Variants in IRAG2 observed in about 807,000 individuals in gnomAD.
The protein encoded by IRAG2 is lymphoid restricted membrane protein.
A neutral mutation model predicts 69.9 loss-of-function variants in IRAG2; 45 were observed. The ratio of observed to expected loss-of-function variants is 0.64; its 90% CI spans 0.51 to 0.83. The LOEUF (loss-of-function observed/expected upper bound fraction) is 0.83. Among genes scored for constraint, IRAG2 ranks in the 40% least tolerant of loss-of-function variants. IRAG2 has a pLI of 0.00. For synonymous variants in IRAG2, 193 were observed against 202.4 expected, an observed-to-expected ratio of 0.95 and a Z score of 0.40; for missense variants, 520 against 587.0, an observed-to-expected ratio of 0.89 and a Z score of 1.18.
intron 14 of IRAG2, among the ~76,000 whole-genome samples, chr12:25,096,490 T>TCATA (rs1565584314): frequency 6.6e-6 from 1 of 152,208 alleles, no homozygotes; most frequent in Non-Finnish European, 1.5e-5. Context: ...GCCAGCCCAG[T>TCATA]CATACCGTCA....
Position 25,102,165 on chromosome 12 carries a change from A to G in IRAG2, c.890-33A>G, listed in dbSNP as rs749187599. ...CTTTAACATAAATGGCATGTGTAAT[A>G]GCTAAAATGTGTCAATGTGTTTTTC... is the stretch of plus-strand genomic sequence containing the variant. On this transcript the variant is annotated intron_variant, in intron 16 of 21. Coordinates refer to ENST00000556887, the MANE Select transcript of IRAG2 (RefSeq NM_001366544.2). 3 of 1,590,000 alleles carry G rather than the reference A, an allele frequency of 1.9e-6. No individual in the cohort carries two copies. The East Asian group carries it at 6.7e-5, about 36-fold the overall frequency.
At chr12:25,105,027 C>A (rs989552174) in intron 20 of IRAG2, among the ~76,000 whole-genome samples, 1 of 150,042 alleles carries the variant, frequency 6.7e-6, no homozygotes, top group African/African-American at 2.5e-5. Flanking sequence ...ACCTCTGAGT[C>A]CTTGGGTGAC....
At chr12:25,002,626 A>ATTC (rs749319927), upstream of IRAG2, among the ~76,000 whole-genome samples, 6,813 of 135,300 alleles carry the variant, frequency 0.05, 206 homozygotes, top group Non-Finnish European at 0.067. Flanking sequence ...TTGAGAGATC[A>ATTC]TTCTTCTTCT....
At chr12:25,041,849 G>A (rs1268136476) in intron 16 of IRAG2, among the ~76,000 whole-genome samples, 1 of 141,968 alleles carries the variant, frequency 7.0e-6, no homozygotes, top group African/African-American at 2.5e-5. Context: ...TAGATATTCT[G>A]ATATCAACTT....
In IRAG2 at chr12:25,100,684, A is replaced by G. The variant is rs144717615; in HGVS notation, c.742-494A>G. On this transcript the variant is annotated intron_variant, in intron 15 of 21. Transcript: ENST00000556887. ...TTGTTTTCAGCATGATAGATCCATC[A>G]TCAACTATCTGTTCTTTCCCAATCC... Among the ~76,000 whole-genome samples the G allele has an allele frequency of 1.1e-4, 17 of 152,322 alleles. 1 individual carries two copies. The highest frequency in any genetic ancestry group is 7.7e-4 in the East Asian group (4 of 5,194).
upstream of IRAG2, among the ~76,000 whole-genome samples, chr12:25,051,861 A>G (rs1944881598): frequency 6.6e-6 from 1 of 151,978 alleles, no homozygotes; most frequent in Non-Finnish European, 1.5e-5. Flanking sequence ...TGTAAAAGCT[A>G]GCTGTGATGT....
At chr12:25,062,634 A>G (rs528256253) in intron 2 of IRAG2, among the ~76,000 whole-genome samples, 186 bp from the exon 3 acceptor site, 1 of 152,350 alleles carries the variant, frequency 6.6e-6, no homozygotes, top group South Asian at 2.1e-4. Context: ...AGATCAAGTA[A>G]TGGGGCAAAT....
chr12:25,009,910 G>A (rs909961697), intron 2 of IRAG2, among the ~76,000 whole-genome samples: 1 of 152,160 alleles, frequency 6.6e-6, no homozygotes, highest in Non-Finnish European at 1.5e-5. Flanking sequence ...GCCTTCAACT[G>A]GTTGGATGAG....
intron 10 of IRAG2, among the ~76,000 whole-genome samples, chr12:25,086,618 A>G (rs981536482): frequency 7.2e-5 from 11 of 152,190 alleles, no homozygotes; most frequent in Non-Finnish European, 2.9e-5. Flanking sequence ...CTGGCTAACA[A>G]TATCTACTAG....
intron 6 of IRAG2, among the ~76,000 whole-genome samples, chr12:25,076,088 A>G (rs1347284263): frequency 6.6e-6 from 1 of 152,126 alleles, no homozygotes; most frequent in African/African-American, 2.4e-5. Flanking sequence ...CAAAAAAAAA[A>G]TCTTCTTTAC....
intron 16 of IRAG2, among the ~76,000 whole-genome samples, chr12:25,039,789 C>T (rs766363307): frequency 3.3e-5 from 5 of 151,968 alleles, no homozygotes; most frequent in Admixed American, 1.3e-4. Context: ...AATGTCATCT[C>T]GAAATGAGTG....
intron 1 of IRAG2, among the ~76,000 whole-genome samples, chr12:25,060,668 CTTTTTTT>C (rs753591747): frequency 1.0e-5 from 1 of 99,286 alleles, no homozygotes; most frequent in African/African-American, 4.2e-5. Context: ...AATGTATTTT[CTTTTTTT>C]TTTTTTTTTT....
At chr12:25,043,162 G>C (rs1461681156) in intron 16 of IRAG2, among the ~76,000 whole-genome samples, 1 of 152,190 alleles carries the variant, frequency 6.6e-6, no homozygotes, top group Admixed American at 6.5e-5. Flanking sequence ...TGAATCCTGA[G>C]TGAGAGTGAA....
intron 15 of IRAG2, chr12:25,100,925 T>C (rs1433208518): frequency 6.4e-6 from 2 of 312,404 alleles, no homozygotes; most frequent in African/African-American, 4.3e-5. Context: ...TAGGCTTTTC[T>C]TACTGCCTTT....
chr12:25,091,941 T>G lies in IRAG2; in HGVS notation c.606+1744T>G, dbSNP rs573695268. ...AATGTCTATTAAAGTCCCTTTCTAT[T>G]TTCTTTGCAGAAAAAAATTTTATTT... On this transcript the variant is annotated intron_variant, in intron 14 of 21. Coordinates refer to ENST00000556887, the MANE Select transcript of IRAG2 (RefSeq NM_001366544.2). 5.3e-5 allele frequency among the ~76,000 whole-genome samples: 8 copies of G among 152,336 alleles called. No individual in the cohort carries two copies. The East Asian group carries it at 1.5e-3, about 29-fold the overall frequency.
At position 25,077,385 on chromosome 12, in the gene IRAG2, T is replaced by TATATATATGAAATATATATG. The variant is rs1565563709; in HGVS notation, c.25-1840_25-1839insGATATATATGAAATATATAT. On this transcript the variant is annotated intron_variant, in intron 6 of 21. Transcript: ENST00000556887. The stretch of plus-strand genomic sequence containing the variant: ...TGATATATATGAAATATATATATGA[T>TATATATATGAAATATATATG]ATATATATGAAATATATATACACAT... Among the ~76,000 whole-genome samples the TATATATATGAAATATATATG allele has an allele frequency of 9.8e-5, 12 of 122,514 alleles. 2 individuals carry two copies. Among genetic ancestry groups the TATATATATGAAATATATATG allele is most frequent in the South Asian group, 7.3e-4 (3 of 4,122 alleles). 80.4% of individuals were successfully genotyped at this position (122,514 alleles called of 152,430 possible). A position where few individuals can be genotyped will look rare whatever the true frequency, so the allele number is the denominator to read the frequency against.
chr12:25,065,732 C>T (rs994801511), intron 4 of IRAG2, among the ~76,000 whole-genome samples: 24 of 152,332 alleles, frequency 1.6e-4, no homozygotes, highest in African/African-American at 4.1e-4. Context: ...TTTAGTGGCA[C>T]GAACACGGCT....
intron 7 of IRAG2, among the ~76,000 whole-genome samples, chr12:25,021,378 T>A (rs1591927587): frequency 6.6e-6 from 1 of 152,250 alleles, no homozygotes; most frequent in South Asian, 2.1e-4. Context: ...GATAGGAGAA[T>A]TCAAAAATAT....
At chr12:25,089,698 C>T (rs1947897706) in intron 12 of IRAG2, 21 bp downstream of exon 12, 1 of 1,607,024 alleles carries the variant, frequency 6.2e-7, no homozygotes, top group Non-Finnish European at 8.5e-7. Context: ...CTTCATGTAG[C>T]ATGTTAACAT....
Sources: allele counts gnomAD v4.1 joint callset (sites outside exome capture counted in the v4.1 genomes callset), GRCh38; gene constraint gnomAD v4.1.1; transcripts MANE v1.5; gene names NCBI Gene and HGNC (gene_info 2026-07-23, HGNC 2026-07-21).